The following MANBA variants were observed in gnomAD, a reference collection of about 807,000 sequenced individuals.
MANBA encodes the protein beta-mannosidase.
A neutral mutation model predicts 111.1 loss-of-function variants in MANBA; 83 were observed. That is an observed-to-expected ratio of 0.75 (90% CI 0.63 to 0.90). The LOEUF is 0.90. Ranked by LOEUF, MANBA falls within the 40% of genes least tolerant of loss-of-function variation. MANBA has a pLI of 0.00. For synonymous variants in MANBA, 370 were observed against 378.7 expected, an observed-to-expected ratio of 0.98 and a Z score of 0.27; for missense variants, 1,036 against 1,069.0, an observed-to-expected ratio of 0.97 and a Z score of 0.43.
chr4:102,739,311 A>C (rs1210979092), intron 1 of MANBA, among the ~76,000 whole-genome samples: 5 of 152,228 alleles, frequency 3.3e-5, no homozygotes. Context: ...AGAGTAATTT[A>C]AAAATTGCTG....
chr4:102,664,504 G>A (rs1448024391), intron 11 of MANBA, among the ~76,000 whole-genome samples, 181 bp downstream of exon 11: 5 of 151,758 alleles, frequency 3.3e-5, no homozygotes, highest in African/African-American at 7.3e-5. Flanking sequence ...GCCCGCCACC[G>A]CGCCCAGCTA....
chr4:102,725,697 G>C (rs1722767587), intron 2 of MANBA, among the ~76,000 whole-genome samples: 1 of 152,150 alleles, frequency 6.6e-6, no homozygotes, highest in African/African-American at 2.4e-5. Flanking sequence ...TGATTAGGCA[G>C]CTTTGGCCTC....
At position 102,669,045 on chromosome 4, in the gene MANBA, C is replaced by T. The variant is rs1267827826; in HGVS notation, c.1235G>A (p.Trp412Ter). The T allele has an allele frequency of 1.2e-6, 2 of 1,610,826 alleles. No individual in the cohort carries two copies. The highest frequency in any genetic ancestry group is 1.7e-6 in the Non-Finnish European group (2 of 1,177,434). Residue 412 changes from tryptophan to a stop codon, truncating the protein, a stop_gained, in exon 10 of 17, where the codon TGG (tryptophan) becomes TAG (stop). Coordinates refer to ENST00000647097, the MANE Select transcript of MANBA (RefSeq NM_005908.4). LOFTEE classifies it high-confidence loss of function. ...ELCDELGIMVWQDFMFACALY... is the reference protein window; with the variant it reads ...ELCDELGIMV ...GGCACAGGCAAACATAAAATCCTGC[C>T]ATACCTAGCAAATCAAATAAAAGGG... is the stretch of plus-strand genomic sequence containing the variant.
intron 7 of MANBA, among the ~76,000 whole-genome samples, chr4:102,681,885 C>T (rs1302187517): frequency 1.3e-5 from 2 of 152,124 alleles, no homozygotes; most frequent in Non-Finnish European, 2.9e-5. Context: ...GTGGCTCACG[C>T]CTGTAATCCT....
intron 1 of MANBA, chr4:102,734,405 T>C (rs1417045476): frequency 6.2e-7 from 1 of 1,610,496 alleles, no homozygotes; most frequent in Non-Finnish European, 8.5e-7. Flanking sequence ...CTGAGCCCAC[T>C]TTCCTGGAGA....
chr4:102,673,634 A>C (rs1459270207), intron 8 of MANBA, among the ~76,000 whole-genome samples: 1 of 152,254 alleles, frequency 6.6e-6, no homozygotes, highest in East Asian at 1.9e-4. Context: ...TCAAAATATA[A>C]ATTACTCATT....
chr4:102,737,726 C>T (rs1231037101), intron 1 of MANBA, among the ~76,000 whole-genome samples: 1 of 152,146 alleles, frequency 6.6e-6, no homozygotes, highest in East Asian at 1.9e-4. Context: ...TCGTGATCCG[C>T]CCGCCTCGGC....
At chr4:102,703,939 C>T (rs896821221) in intron 5 of MANBA, among the ~76,000 whole-genome samples, 1 of 152,010 alleles carries the variant, frequency 6.6e-6, no homozygotes, top group African/African-American at 2.4e-5. Context: ...ACCAAAAATA[C>T]AAAAAATAAG....
chr4:102,733,507 C>A (rs1723103794), intron 1 of MANBA, among the ~76,000 whole-genome samples: 1 of 152,128 alleles, frequency 6.6e-6, no homozygotes, highest in Admixed American at 6.5e-5. Flanking sequence ...ATGTATGCCA[C>A]CACTCCCAGC....
chr4:102,725,961 TCAA>T (rs1722778154), intron 2 of MANBA, among the ~76,000 whole-genome samples: 2 of 152,196 alleles, frequency 1.3e-5, no homozygotes, highest in Non-Finnish European at 2.9e-5. Flanking sequence ...TATGTTGAGT[TCAA>T]GGTGAAATAG....
chr4:102,715,619 T>C (rs1240895513), intron 4 of MANBA, among the ~76,000 whole-genome samples: 1 of 152,178 alleles, frequency 6.6e-6, no homozygotes, highest in Admixed American at 6.5e-5. Flanking sequence ...ACCCATTAGT[T>C]ATTTTTCCTG....
chr4:102,658,303 A>C (rs228615), intron 11 of MANBA, among the ~76,000 whole-genome samples: 2,448 of 151,950 alleles, frequency 0.016, 67 homozygotes, highest in African/African-American at 0.054. Context: ...ATTTAGTAGC[A>C]TCCCTGGCCT....
At chr4:102,642,092 GGCTATT>G (rs143583804) in intron 13 of MANBA, among the ~76,000 whole-genome samples, 8,069 of 151,914 alleles carry the variant, frequency 0.053, 273 homozygotes, top group Admixed American at 0.087. Flanking sequence ...AAATGCAGAA[GGCTATT>G]GCCCACTAAA....
chr4:102,741,294 G>T (rs1438114484), intron 1 of MANBA, among the ~76,000 whole-genome samples: 1 of 152,018 alleles, frequency 6.6e-6, no homozygotes, highest in Non-Finnish European at 1.5e-5. Flanking sequence ...AAAAATAATA[G>T]ATGTTGGCAT....
chr4:102,639,946 G>T, intron 13 of MANBA, 89 bp from the exon 14 acceptor site: 1 of 1,475,408 alleles, frequency 6.8e-7, no homozygotes. Flanking sequence ...GTTTTGTTTT[G>T]GGTTTTTTCT....
At chr4:102,741,304 T>C (rs1360740950) in intron 1 of MANBA, among the ~76,000 whole-genome samples, 4 of 152,174 alleles carry the variant, frequency 2.6e-5, no homozygotes, top group African/African-American at 9.7e-5. Context: ...GATGTTGGCA[T>C]GGATATGGTG....
intron 16 of MANBA, 78 bp downstream of exon 16, chr4:102,634,710 G>C (rs1245157777): frequency 5.7e-6 from 9 of 1,580,426 alleles, no homozygotes; most frequent in Non-Finnish European, 7.8e-6. Context: ...CAAATCTCAG[G>C]ATGCAAGGAG....
intron 13 of MANBA, among the ~76,000 whole-genome samples, chr4:102,642,093 G>A (rs1057375026): frequency 3.7e-5 from 5 of 136,182 alleles, no homozygotes; most frequent in Non-Finnish European, 6.8e-5. Context: ...AATGCAGAAG[G>A]CTATTGCCCA....
chr4:102,754,714 G>A (rs555920800), intron 1 of MANBA, among the ~76,000 whole-genome samples: 2 of 151,834 alleles, frequency 1.3e-5, no homozygotes, highest in Non-Finnish European at 2.9e-5. Flanking sequence ...TGGCCACCAC[G>A]CCGGACTAAT....
Sources: gnomAD v4.1 joint callset for allele counts (sites outside exome capture counted in the v4.1 genomes callset) on GRCh38, gnomAD v4.1.1 for gene constraint, MANE v1.5 for transcripts, NCBI Gene and HGNC (gene_info 2026-07-23, HGNC 2026-07-21) for gene names.